The following CIB4 variants were observed in gnomAD, a reference collection of about 807,000 sequenced individuals.
CIB4 encodes calcium and integrin-binding family member 4.
In CIB4, 25 loss-of-function variants were observed where a neutral mutation model predicts 25.8. The ratio of observed to expected loss-of-function variants is 0.97; its 90% confidence interval spans 0.71 to 1.35. CIB4 has a LOEUF of 1.35. Ranked by LOEUF, CIB4 falls within the 40% of genes most tolerant of loss-of-function variation. The pLI, the probability that CIB4 is intolerant of heterozygous loss-of-function variation, is 0.00. For missense variants in CIB4, 235 were observed against 228.2 expected (o/e 1.03, Z -0.19); for synonymous variants, 75 against 81.4 (o/e 0.92, Z 0.42).
chr2:26,612,532 C>T (rs761658660), intron 3 of CIB4, among the ~76,000 whole-genome samples: 4 of 152,132 alleles, frequency 2.6e-5, no homozygotes, highest in Non-Finnish European at 5.9e-5. Context: ...CCCTCCCCTC[C>T]CAGGGTCCCT....
chr2:26,584,810 CTG>C (rs1272345839), intron 4 of CIB4, among the ~76,000 whole-genome samples: 1 of 152,134 alleles, frequency 6.6e-6, no homozygotes. Flanking sequence ...CCTGGGGACT[CTG>C]GGGTGGGTGG....
At chr2:26,611,519 G>T (rs1000835) in intron 3 of CIB4, among the ~76,000 whole-genome samples, 1 of 152,124 alleles carries the variant, frequency 6.6e-6, no homozygotes, top group East Asian at 1.9e-4. Context: ...AGGCATAAAG[G>T]TTTTTCCATG....
At chr2:26,608,151 T>A (rs1421735767) in intron 3 of CIB4, among the ~76,000 whole-genome samples, 1 of 148,928 alleles carries the variant, frequency 6.7e-6, no homozygotes, top group Non-Finnish European at 1.5e-5. Flanking sequence ...GGCAGGAGAA[T>A]CCCTTGAACC....
At chr2:26,596,623 T>C (rs1668687737) in intron 3 of CIB4, among the ~76,000 whole-genome samples, 2 of 152,026 alleles carry the variant, frequency 1.3e-5, no homozygotes, top group South Asian at 2.1e-4. Context: ...CGCGCATGCC[T>C]GTAATCCCAG....
At chr2:26,635,841 T>C (rs1446157916) in intron 2 of CIB4, among the ~76,000 whole-genome samples, 2 of 152,328 alleles carry the variant, frequency 1.3e-5, no homozygotes, top group African/African-American at 4.8e-5. Flanking sequence ...CTTTATTTCA[T>C]AAGAGCAGTA....
chr2:26,592,669 A>T (rs1357186299), intron 4 of CIB4, among the ~76,000 whole-genome samples: 1 of 151,688 alleles, frequency 6.6e-6, no homozygotes, highest in East Asian at 1.9e-4. Context: ...TCTGTTCTTC[A>T]GATTAAGTTA....
intron 3 of CIB4, among the ~76,000 whole-genome samples, chr2:26,618,920 G>A (rs540384396): frequency 4.5e-4 from 68 of 152,340 alleles, no homozygotes; most frequent in African/African-American, 1.6e-3. Context: ...TAGCCTGGGT[G>A]AGACCATCTG....
chr2:26,588,390 G>C (rs989551361), intron 4 of CIB4, among the ~76,000 whole-genome samples: 1 of 152,190 alleles, frequency 6.6e-6, no homozygotes. Flanking sequence ...TGAGAGCTCC[G>C]GGAGGCTGAC....
Position 26,595,253 on chromosome 2 carries a change from T to C in CIB4, c.251A>G (p.Asp84Gly). 6.2e-7 allele frequency: 1 copy of C among 1,614,128 alleles called. No homozygotes were observed. Among genetic ancestry groups the C allele is most frequent in the South Asian group, 1.1e-5 (1 of 91,072 alleles). The change falls in exon 4 of 7, where the codon GAT (aspartate) becomes GGT (glycine). Residue 84 changes from aspartate (D) to glycine (G), a missense_variant. Coordinates refer to ENST00000288861, the MANE Select transcript of CIB4 (RefSeq NM_001029881.3). Reference protein sequence around the residue: ...FSHKGMFSFEDVLGMASVFSE... With the variant: ...FSHKGMFSFEGVLGMASVFSE... Reference sequence around the variant, plus strand: ...GAACACAGATGCCATGCCCAGCACATCCTCAAAGGAGAACATGCCTTTGTG... The same window carrying C: ...GAACACAGATGCCATGCCCAGCACACCCTCAAAGGAGAACATGCCTTTGTG...
intron 3 of CIB4, among the ~76,000 whole-genome samples, chr2:26,617,013 C>T (rs1669105710): frequency 1.3e-5 from 2 of 152,176 alleles, no homozygotes; most frequent in Admixed American, 1.3e-4. Context: ...TCTTAGAGCA[C>T]ACATGGTCAC....
At chr2:26,638,816 G>T (rs1044701117) in intron 2 of CIB4, among the ~76,000 whole-genome samples, 6 of 152,132 alleles carry the variant, frequency 3.9e-5, no homozygotes, top group African/African-American at 1.4e-4. Context: ...GCCGGGCGTG[G>T]TGGCAGGCAC....
At chr2:26,611,776 A>T (rs114341186) in intron 3 of CIB4, among the ~76,000 whole-genome samples, 1,772 of 152,352 alleles carry the variant, frequency 0.012, 29 homozygotes, top group African/African-American at 0.04. Flanking sequence ...GTAAATCAGA[A>T]CTCAATGCAA....
At chr2:26,618,686 T>C (rs913433217) in intron 3 of CIB4, among the ~76,000 whole-genome samples, 1 of 152,146 alleles carries the variant, frequency 6.6e-6, no homozygotes, top group Non-Finnish European at 1.5e-5. Flanking sequence ...GACCGGGTGC[T>C]GGGGAAGGGT....
rs201565156 is a variant in CIB4, at chr2:26,640,612, C to T, written c.55-45G>A. ...AGCGACGTGTCCACTCCATTCATCC[C>T]TGCTGTGGCCCCTGGGGAGTGGCGC... is the stretch of plus-strand genomic sequence containing the variant. On this transcript the variant is annotated intron_variant, in intron 1 of 6. Coordinates refer to ENST00000288861, the MANE Select transcript of CIB4 (RefSeq NM_001029881.3). The T allele has an allele frequency of 8.7e-4, 1,378 of 1,590,106 alleles. 2 individuals are homozygous for T. Among genetic ancestry groups the T allele is most frequent in the Non-Finnish European group, 1.0e-3 (1,197 of 1,164,824 alleles).
intron 3 of CIB4, among the ~76,000 whole-genome samples, chr2:26,620,007 GA>G (rs1669172999): frequency 6.7e-6 from 1 of 148,542 alleles, no homozygotes; most frequent in Non-Finnish European, 1.5e-5. Context: ...CTCCATCCCG[GA>G]ATCCCCTACA....
intron 3 of CIB4, among the ~76,000 whole-genome samples, chr2:26,628,469 T>TG (rs1442001875): frequency 2.0e-5 from 3 of 151,720 alleles, no homozygotes; most frequent in Non-Finnish European, 2.9e-5. Context: ...TGTGTGTTTG[T>TG]GGGGGGTGGG....
chr2:26,591,940 C>T (rs187025192), intron 4 of CIB4, among the ~76,000 whole-genome samples: 46 of 152,336 alleles, frequency 3.0e-4, no homozygotes, highest in Admixed American at 4.6e-4. Flanking sequence ...CCCAGTCAAG[C>T]GCCCTCCAGG....
chr2:26,585,424 C>T (rs1668432815), intron 4 of CIB4, among the ~76,000 whole-genome samples: 1 of 152,024 alleles, frequency 6.6e-6, no homozygotes, highest in South Asian at 2.1e-4. Flanking sequence ...CTGTGAAGGC[C>T]TTGAATGGCA....
Position 26,641,325 on chromosome 2 carries a change from C to T in CIB4, c.-11G>A. On this transcript the variant is annotated 5_prime_UTR_variant, in exon 1 of 7. In the 5' UTR this introduces an upstream ATG that the reference lacks. Transcript: ENST00000288861. ...CAAGCATTGCCCCATGCCAACCACACCTTTCTGTCTGCCAGCAGTAGAACC... is the reference window on the plus strand; with the variant it reads ...CAAGCATTGCCCCATGCCAACCACATCTTTCTGTCTGCCAGCAGTAGAACC... The T allele has an allele frequency of 6.2e-7, 1 of 1,612,946 alleles. No individual in the cohort carries two copies. Among genetic ancestry groups the T allele is most frequent in the Non-Finnish European group, 8.5e-7 (1 of 1,179,012 alleles).
Sources: gnomAD v4.1 joint callset for allele counts (sites outside exome capture counted in the v4.1 genomes callset) on GRCh38, gnomAD v4.1.1 for gene constraint, MANE v1.5 for transcripts, NCBI Gene and HGNC (gene_info 2026-07-23, HGNC 2026-07-21) for gene names.